The following NHSL1 variants were observed in gnomAD, a reference collection of about 807,000 sequenced individuals.
The protein encoded by NHSL1 is NHS like 1, also known as NHS-like protein 1.
In NHSL1, 48 loss-of-function variants were observed where a neutral mutation model predicts 95.0. The observed-to-expected ratio is 0.51, with a 90% CI of 0.40 to 0.64. The LOEUF (loss-of-function observed/expected upper bound fraction) is 0.64, where lower values mean the gene tolerates loss of function less well. Ranked by LOEUF, NHSL1 falls within the 30% of genes least tolerant of loss-of-function variation. NHSL1 has a pLI of 0.00. For synonymous variants in NHSL1, 783 were observed against 833.9 expected (o/e 0.94, Z 1.05); for missense variants, 1,971 against 2,077.7 (o/e 0.95, Z 1.00).
intron 2 of NHSL1, among the ~76,000 whole-genome samples, chr6:138,490,842 C>G (rs903936504): frequency 2.0e-5 from 3 of 152,094 alleles, no homozygotes; most frequent in African/African-American, 7.2e-5. Context: ...CCATGTTGGC[C>G]AGGATGGTAT....
intron 2 of NHSL1, 44 bp from the exon 3 acceptor site, chr6:138,473,477 C>G: frequency 7.2e-7 from 1 of 1,390,208 alleles, no homozygotes; most frequent in South Asian, 1.8e-5. Flanking sequence ...CATTAAAAAG[C>G]TGTACTCCTC....
intron 1 of NHSL1, among the ~76,000 whole-genome samples, chr6:138,663,945 C>T (rs1562406389): frequency 6.6e-6 from 1 of 152,218 alleles, no homozygotes; most frequent in Non-Finnish European, 1.5e-5. Context: ...AGGTTACAAG[C>T]ATTTATTTGT....
chr6:138,670,065 G>A (rs1785344176), intron 1 of NHSL1, among the ~76,000 whole-genome samples: 1 of 152,098 alleles, frequency 6.6e-6, no homozygotes, highest in Non-Finnish European at 1.5e-5. Context: ...AGGTTGCAGT[G>A]AGCCGAAATC....
chr6:138,504,592 G>A (rs1780861881), intron 1 of NHSL1, among the ~76,000 whole-genome samples: 1 of 152,206 alleles, frequency 6.6e-6, no homozygotes. Context: ...AGGTGGTGGG[G>A]AAGATGGAGA....
At chr6:138,463,277 C>A in intron 3 of NHSL1, among the ~76,000 whole-genome samples, 3 of 152,138 alleles carry the variant, frequency 2.0e-5, no homozygotes, top group African/African-American at 7.2e-5. Flanking sequence ...GATCATGTTA[C>A]TTCCCTGCTC....
intron 1 of NHSL1, among the ~76,000 whole-genome samples, chr6:138,661,589 G>A (rs1321950467): frequency 6.6e-6 from 1 of 151,664 alleles, no homozygotes; most frequent in Non-Finnish European, 1.5e-5. Context: ...TGGAGCCCCG[G>A]AAGTCAAGGC....
chr6:138,485,450 A>C (rs1338542627), intron 2 of NHSL1, among the ~76,000 whole-genome samples: 2 of 147,068 alleles, frequency 1.4e-5, no homozygotes, highest in African/African-American at 5.3e-5. Context: ...TACCGTTAAA[A>C]AAAAAAAAAA....
intron 1 of NHSL1, among the ~76,000 whole-genome samples, chr6:138,669,313 T>A (rs1785334339): frequency 6.6e-6 from 1 of 151,894 alleles, no homozygotes; most frequent in South Asian, 2.1e-4. Flanking sequence ...GACAAAAAAA[T>A]TTTCATAAAG....
At chr6:138,485,524 C>A (rs941275324) in intron 2 of NHSL1, among the ~76,000 whole-genome samples, 3 of 150,302 alleles carry the variant, frequency 2.0e-5, no homozygotes, top group African/African-American at 7.3e-5. Context: ...AATGATTGTT[C>A]ATTTTTCCTT....
At chr6:138,475,848 A>G (rs1465900929) in intron 2 of NHSL1, among the ~76,000 whole-genome samples, 1 of 152,170 alleles carries the variant, frequency 6.6e-6, no homozygotes, top group African/African-American at 2.4e-5. Flanking sequence ...CTGTAATCCC[A>G]GCTACTCCAT....
chr6:138,682,021 G>A (rs1785519081), intron 1 of NHSL1, among the ~76,000 whole-genome samples: 1 of 145,580 alleles, frequency 6.9e-6, no homozygotes. Context: ...TGATCTTGTC[G>A]CCCAGGCTAG....
At chr6:138,608,836 C>A (rs1453720414) in intron 1 of NHSL1, among the ~76,000 whole-genome samples, 1 of 152,178 alleles carries the variant, frequency 6.6e-6, no homozygotes, top group Non-Finnish European at 1.5e-5. Flanking sequence ...ACCATCCCTC[C>A]CTTTTAGGGG....
chr6:138,585,616 T>G (rs1784123453), intron 1 of NHSL1, among the ~76,000 whole-genome samples: 1 of 152,110 alleles, frequency 6.6e-6, no homozygotes, highest in Non-Finnish European at 1.5e-5. Context: ...AAAGTTTGTT[T>G]CACTGGTAAT....
At chr6:138,690,093 T>G (rs532075811) in intron 1 of NHSL1, among the ~76,000 whole-genome samples, 1 of 152,346 alleles carries the variant, frequency 6.6e-6, no homozygotes, top group East Asian at 1.9e-4. Flanking sequence ...GGATTTCCTC[T>G]CTGGGTAAGA....
At chr6:138,482,371 G>T (rs191948202) in intron 2 of NHSL1, among the ~76,000 whole-genome samples, 7 of 151,314 alleles carry the variant, frequency 4.6e-5, no homozygotes, top group Admixed American at 1.3e-4. Flanking sequence ...GCTTGAACCC[G>T]GGAGGCGGAG....
intron 1 of NHSL1, among the ~76,000 whole-genome samples, chr6:138,545,005 TTTG>T (rs1782731774): frequency 1.4e-5 from 2 of 145,900 alleles, no homozygotes; most frequent in Admixed American, 6.9e-5. Context: ...TTTTTTTTTT[TTTG>T]AGACCGAGTT....
intron 1 of NHSL1, among the ~76,000 whole-genome samples, chr6:138,588,515 C>A (rs557797093): frequency 9.2e-4 from 140 of 152,144 alleles, no homozygotes; most frequent in African/African-American, 3.3e-3. Flanking sequence ...ACACTGAAAA[C>A]AAACTGAGGC....
At chr6:138,475,326 G>C (rs13217110) in intron 2 of NHSL1, among the ~76,000 whole-genome samples, 8,408 of 151,876 alleles carry the variant, frequency 0.055, 645 homozygotes, top group East Asian at 0.29. Flanking sequence ...AGGCTCAAGT[G>C]ATCCTGCCAC....
intron 2 of NHSL1, among the ~76,000 whole-genome samples, chr6:138,477,561 C>T (rs1443920249): frequency 6.6e-6 from 1 of 152,186 alleles, no homozygotes; most frequent in Non-Finnish European, 1.5e-5. Flanking sequence ...TATGATTGGG[C>T]TACTGCACTC....
Sources: gnomAD v4.1 joint callset for allele counts (sites outside exome capture counted in the v4.1 genomes callset) on GRCh38, gnomAD v4.1.1 for gene constraint, MANE v1.5 for transcripts, NCBI Gene and HGNC (gene_info 2026-07-23, HGNC 2026-07-21) for gene names.